Variants in BMPER observed in about 807,000 individuals in gnomAD.
BMPER encodes the protein BMP-binding endothelial regulator protein.
In BMPER, 45 loss-of-function variants were observed where a neutral mutation model predicts 87.3. The observed-to-expected ratio is 0.52, with a 90% CI of 0.41 to 0.66. The LOEUF is 0.66. BMPER is among the 30% of genes least tolerant of loss of function. The probability of loss-of-function intolerance (pLI) is 0.00; values close to 1 mark genes in which losing one functional copy is unlikely to be tolerated. For synonymous variants in BMPER, 326 were observed against 316.2 expected (o/e 1.03, Z -0.33); for missense variants, 784 against 867.5 (o/e 0.90, Z 1.21).
At chr7:33,921,286 G>A (rs528617983) in intron 2 of BMPER, among the ~76,000 whole-genome samples, 1 of 152,306 alleles carries the variant, frequency 6.6e-6, no homozygotes, top group South Asian at 2.1e-4. Flanking sequence ...ATAAGCTGGG[G>A]ATAGTCCAAA....
chr7:33,967,285 T>C (rs1785429213), intron 4 of BMPER, among the ~76,000 whole-genome samples: 1 of 152,238 alleles, frequency 6.6e-6, no homozygotes, highest in African/African-American at 2.4e-5. Flanking sequence ...TTCTTCTTCG[T>C]AGAAAAGGTG....
intron 13 of BMPER, among the ~76,000 whole-genome samples, chr7:34,112,530 A>G (rs1316313024): frequency 6.6e-6 from 1 of 150,924 alleles, no homozygotes; most frequent in Non-Finnish European, 1.5e-5. Flanking sequence ...AAAAGACTGA[A>G]GAAAGTAAAA....
At chr7:33,983,009 A>G (rs948234426) in intron 6 of BMPER, among the ~76,000 whole-genome samples, 5 of 152,182 alleles carry the variant, frequency 3.3e-5, no homozygotes, top group African/African-American at 1.2e-4. Flanking sequence ...GTAAGGCAAG[A>G]GCTTCAAATC....
chr7:34,058,579 A>G (rs1473543207), intron 10 of BMPER, among the ~76,000 whole-genome samples: 3 of 152,208 alleles, frequency 2.0e-5, no homozygotes, highest in South Asian at 2.1e-4. Context: ...TACTTCCCCA[A>G]GGGGTTTCTC....
At chr7:33,942,193 C>T (rs559078304) in intron 3 of BMPER, among the ~76,000 whole-genome samples, 4 of 152,092 alleles carry the variant, frequency 2.6e-5, no homozygotes, top group South Asian at 2.1e-4. Flanking sequence ...TGTGTATAAA[C>T]GGTGTTTCTC....
rs1329165331 is a variant in BMPER at position 33,905,709 on chromosome 7, G to T, written c.96G>T (p.Ser32=). The change falls in exon 1 of 15, where the codon TCG becomes TCT. Residue 32 remains serine, a synonymous_variant. Coordinates refer to ENST00000649409, the MANE Select transcript of BMPER (RefSeq NM_001365308.1). ...GCGTCTTGCTGCTACTCAATTGCTC[G>T]GGGGTCCCCATGTCTCTGGCTTCCT... ...TCCVLLLLNC[S]GVPMSLASSF... is the part of the protein sequence containing the mutation. 2 of 1,613,364 alleles carry T rather than the reference G, an allele frequency of 1.2e-6. No homozygotes were observed. The highest frequency in any genetic ancestry group is 1.7e-6 in the Non-Finnish European group (2 of 1,179,932).
At chr7:33,958,937 A>G (rs932881161) in intron 3 of BMPER, among the ~76,000 whole-genome samples, 3 of 152,044 alleles carry the variant, frequency 2.0e-5, no homozygotes, top group Non-Finnish European at 4.4e-5. Flanking sequence ...TTTCCCTCAT[A>G]CTGTTCTCTC....
intron 13 of BMPER, among the ~76,000 whole-genome samples, chr7:34,092,969 G>A (rs1253143370): frequency 6.6e-6 from 1 of 152,286 alleles, no homozygotes; most frequent in Admixed American, 6.5e-5. Context: ...TGAGTCAACT[G>A]TATAGTTAGC....
chr7:34,134,550 C>T (rs1790672346), intron 13 of BMPER, among the ~76,000 whole-genome samples: 1 of 152,120 alleles, frequency 6.6e-6, no homozygotes. Context: ...TCCGTGAAGC[C>T]AGTGTTTCCT....
intron 6 of BMPER, among the ~76,000 whole-genome samples, chr7:34,017,745 A>G (rs1047245335): frequency 1.3e-5 from 2 of 151,800 alleles, no homozygotes; most frequent in East Asian, 3.9e-4. Flanking sequence ...GGGTGTAAGA[A>G]TCTACACTTC....
chr7:34,114,208 T>C (rs1358014188), intron 13 of BMPER, among the ~76,000 whole-genome samples: 1 of 152,212 alleles, frequency 6.6e-6, no homozygotes, highest in African/African-American at 2.4e-5. Context: ...CCTCCATCCC[T>C]GTGGGGGCCG....
intron 14 of BMPER, among the ~76,000 whole-genome samples, chr7:34,146,468 A>G (rs954207172): frequency 6.6e-6 from 1 of 152,212 alleles, no homozygotes. Flanking sequence ...ATAAAATGTA[A>G]TATGCTAAGG....
intron 3 of BMPER, among the ~76,000 whole-genome samples, chr7:33,943,446 C>T (rs1007577137): frequency 6.6e-6 from 1 of 152,090 alleles, no homozygotes; most frequent in Non-Finnish European, 1.5e-5. Context: ...TAGAGTAATT[C>T]ATTTAACACC....
chr7:33,909,088 C>T (rs964167946), intron 2 of BMPER, among the ~76,000 whole-genome samples: 1 of 152,156 alleles, frequency 6.6e-6, no homozygotes, highest in Non-Finnish European at 1.5e-5. Flanking sequence ...TTTATGTGTA[C>T]TATTTTTATT....
At chr7:34,108,386 A>G (rs1183652807) in intron 13 of BMPER, among the ~76,000 whole-genome samples, 3 of 152,198 alleles carry the variant, frequency 2.0e-5, no homozygotes, top group Admixed American at 2.0e-4. Flanking sequence ...TGTGAAGTCA[A>G]CTCATTCCTG....
chr7:34,153,493 G>T lies in BMPER; in HGVS notation c.*220G>T, dbSNP rs1198077182. The T allele has an allele frequency of 3.7e-6, 2 of 537,506 alleles. No homozygotes were observed. Among genetic ancestry groups the T allele is most frequent in the East Asian group, 6.6e-5 (2 of 30,386 alleles). 33.3% of individuals were successfully genotyped at this position (537,506 alleles called of 1,614,324 possible). A position where few individuals can be genotyped will look rare whatever the true frequency, so the allele number is the denominator to read the frequency against. On this transcript the variant is annotated 3_prime_UTR_variant, in exon 15 of 15. Coordinates refer to ENST00000649409, the MANE Select transcript of BMPER (RefSeq NM_001365308.1). Reference sequence around the variant, plus strand: ...TATTTTTTGCTATAAGACATGTATTGTTTCTAGGATCCTAACCTGTAAGCC... The same window carrying T: ...TATTTTTTGCTATAAGACATGTATTTTTTCTAGGATCCTAACCTGTAAGCC...
chr7:34,032,270 T>A (rs1787549184), intron 6 of BMPER, among the ~76,000 whole-genome samples: 1 of 151,982 alleles, frequency 6.6e-6, no homozygotes, highest in Non-Finnish European at 1.5e-5. Context: ...CATATGTACT[T>A]CCAGCTTTCC....
At chr7:33,917,869 G>A (rs1446058579) in intron 2 of BMPER, among the ~76,000 whole-genome samples, 1 of 152,164 alleles carries the variant, frequency 6.6e-6, no homozygotes, top group African/African-American at 2.4e-5. Context: ...GGCACTACTG[G>A]CCTCTTTGGC....
At chr7:33,917,827 T>C in intron 2 of BMPER, among the ~76,000 whole-genome samples, 1 of 152,272 alleles carries the variant, frequency 6.6e-6, no homozygotes, top group South Asian at 2.1e-4. Flanking sequence ...ACCCTATTTT[T>C]AGACCCTGTG....
Sources: allele counts gnomAD v4.1 joint callset (sites outside exome capture counted in the v4.1 genomes callset), GRCh38; gene constraint gnomAD v4.1.1; transcripts MANE v1.5; gene names NCBI Gene and HGNC (gene_info 2026-07-23, HGNC 2026-07-21).